Variants in EPB41L2 observed in about 807,000 individuals in gnomAD.
EPB41L2 encodes erythrocyte membrane protein band 4.1 like 2.
EPB41L2 carries 43 observed loss-of-function variants against 113.0 expected under a neutral mutation model. The ratio of observed to expected loss-of-function variants is 0.38; its 90% CI spans 0.30 to 0.49. EPB41L2 has a LOEUF of 0.49. EPB41L2 is among the 20% of genes least tolerant of loss of function. EPB41L2 has a pLI of 0.95. For synonymous variants in EPB41L2, 442 were observed against 436.7 expected (o/e 1.01, Z -0.15); for missense variants, 1,147 against 1,223.4 (o/e 0.94, Z 0.93).
At chr6:130,889,204 T>C (rs981572081) in intron 11 of EPB41L2, among the ~76,000 whole-genome samples, 3 of 151,762 alleles carry the variant, frequency 2.0e-5, no homozygotes, top group Admixed American at 2.0e-4. Flanking sequence ...CAACCAAAAA[T>C]GTTGGAAAAC....
chr6:130,872,470 G>A (rs1215931548), intron 14 of EPB41L2: 8 of 1,289,342 alleles, frequency 6.2e-6, no homozygotes, highest in East Asian at 5.6e-5. Flanking sequence ...CTGAAGTGAA[G>A]GTGGCTTTCA....
At chr6:131,052,081 C>T (rs537342540) in intron 1 of EPB41L2, among the ~76,000 whole-genome samples, 9 of 152,136 alleles carry the variant, frequency 5.9e-5, no homozygotes, top group East Asian at 1.9e-4. Flanking sequence ...GGACTACAGG[C>T]GCCCACCACC....
At chr6:131,005,229 A>G (rs1225387164) in intron 1 of EPB41L2, among the ~76,000 whole-genome samples, 1 of 151,938 alleles carries the variant, frequency 6.6e-6, no homozygotes, top group Non-Finnish European at 1.5e-5. Context: ...GTCAGTTTTC[A>G]ATTATCTACT....
chr6:130,983,958 G>A (rs1779950359), intron 1 of EPB41L2, among the ~76,000 whole-genome samples: 1 of 151,950 alleles, frequency 6.6e-6, no homozygotes, highest in African/African-American at 2.4e-5. Context: ...TTTTACTCTT[G>A]TAACACTTAG....
rs751594165 is a variant in EPB41L2, at chr6:130,885,174, G to A, written c.1755C>T (p.Ala585=). ...SAYGPGLVSI[A]VVQDGDGRRE... is the part of the protein sequence containing the mutation. ...TCCTGCCGTCCCCATCTTGTACCACGGCAATGCTGACAAGTCCAGGTCCAT... is the reference window on the plus strand; with the variant it reads ...TCCTGCCGTCCCCATCTTGTACCACAGCAATGCTGACAAGTCCAGGTCCAT... Residue 585 remains alanine, a synonymous_variant, in exon 12 of 20, where the codon GCC becomes GCT. Transcript: ENST00000337057. 15 of 1,613,942 alleles carry A rather than the reference G, an allele frequency of 9.3e-6. No homozygotes were observed. The highest frequency in any genetic ancestry group is 5.0e-5 in the Admixed American group (3 of 59,990).
At chr6:130,915,069 C>T (rs540989591) in intron 4 of EPB41L2, among the ~76,000 whole-genome samples, 2 of 151,626 alleles carry the variant, frequency 1.3e-5, no homozygotes, top group African/African-American at 2.4e-5. Context: ...TTTGGGAGGC[C>T]GAGGCGGGCG....
At chr6:130,911,789 C>T (rs1379061838) in intron 4 of EPB41L2, among the ~76,000 whole-genome samples, 1 of 152,060 alleles carries the variant, frequency 6.6e-6, no homozygotes, top group Non-Finnish European at 1.5e-5. Context: ...CTCAAGTTAT[C>T]ACTAACATAG....
At chr6:130,977,701 C>A (rs1319016966) in intron 1 of EPB41L2, among the ~76,000 whole-genome samples, 1 of 152,134 alleles carries the variant, frequency 6.6e-6, no homozygotes, top group Non-Finnish European at 1.5e-5. Flanking sequence ...CTCTTCTTAA[C>A]CTTAAGGAAC....
intron 3 of EPB41L2, among the ~76,000 whole-genome samples, chr6:130,929,852 G>GTCAC (rs1385194819): frequency 2.2e-5 from 2 of 91,962 alleles, no homozygotes; most frequent in African/African-American, 4.0e-5. Context: ...ATACAAGACA[G>GTCAC]ACAGTCACAC....
chr6:130,939,839 T>C (rs1465261759), intron 3 of EPB41L2, among the ~76,000 whole-genome samples: 1 of 152,214 alleles, frequency 6.6e-6, no homozygotes, highest in African/African-American at 2.4e-5. Flanking sequence ...GTCCACTTTA[T>C]TTTAGTATGT....
rs769262800 is a variant in EPB41L2 at position 130,956,349 on chromosome 6, C to T, written c.137G>A (p.Gly46Asp). The T allele has an allele frequency of 2.5e-6, 4 of 1,614,120 alleles. No individual in the cohort carries two copies. Among genetic ancestry groups the T allele is most frequent in the Non-Finnish European group, 3.4e-6 (4 of 1,180,026 alleles). Residue 46 changes from glycine to aspartate, a missense_variant, in exon 2 of 20, where the codon GGT becomes GAT. Coordinates refer to ENST00000337057, the MANE Select transcript of EPB41L2 (RefSeq NM_001431.4). ...NQSSDPEEEK[G>D]SQPPPAAESQ... The stretch of plus-strand genomic sequence containing the variant: ...TTCAGCTGCAGGAGGTGGCTGGGAA[C>T]CTTTTTCCTCCTCTGGATCGGAAGA...
At chr6:130,880,941 C>G (rs1193556887) in intron 12 of EPB41L2, 2 of 155,494 alleles carry the variant, frequency 1.3e-5, no homozygotes, top group African/African-American at 4.8e-5. Context: ...ATATGGATTT[C>G]TTTTCTGGCT....
intron 1 of EPB41L2, among the ~76,000 whole-genome samples, chr6:131,057,638 A>C (rs1584832109): frequency 1.3e-5 from 2 of 152,230 alleles, no homozygotes; most frequent in African/African-American, 4.8e-5. Context: ...AGGTGACTTC[A>C]GAGTTGGTAA....
chr6:131,042,503 C>T (rs1347046612), intron 1 of EPB41L2, among the ~76,000 whole-genome samples: 4 of 152,114 alleles, frequency 2.6e-5, no homozygotes, highest in Non-Finnish European at 5.9e-5. Context: ...TTTATTTATA[C>T]ATAGAAAAAT....
intron 1 of EPB41L2, among the ~76,000 whole-genome samples, chr6:130,969,217 CA>C (rs554442017): frequency 0.063 from 9,016 of 142,890 alleles, 357 homozygotes; most frequent in African/African-American, 0.12. Flanking sequence ...TTCCTTGTGA[CA>C]AAAAAAAAAA....
chr6:130,881,829 T>G (rs1476965690), intron 12 of EPB41L2: 1 of 152,122 alleles, frequency 6.6e-6, no homozygotes, highest in Non-Finnish European at 1.5e-5. Flanking sequence ...AACAGAATAG[T>G]ACCTTCCTTA....
chr6:131,059,852 T>C (rs1798327366), intron 1 of EPB41L2, among the ~76,000 whole-genome samples: 1 of 152,146 alleles, frequency 6.6e-6, no homozygotes, highest in South Asian at 2.1e-4. Context: ...AGTGGTTAGG[T>C]ACAGTAATTC....
intron 1 of EPB41L2, among the ~76,000 whole-genome samples, chr6:130,972,534 A>T (rs1777098768): frequency 6.6e-6 from 1 of 151,208 alleles, no homozygotes; most frequent in African/African-American, 2.4e-5. Flanking sequence ...ACATTTCCAC[A>T]ATTTAAATTC....
intron 1 of EPB41L2, among the ~76,000 whole-genome samples, chr6:131,040,694 T>C (rs1794292762): frequency 6.6e-6 from 1 of 152,176 alleles, no homozygotes; most frequent in African/African-American, 2.4e-5. Context: ...AGATCTGTCA[T>C]CACCTTACTC....
Sources: gnomAD v4.1 joint callset for allele counts (sites outside exome capture counted in the v4.1 genomes callset) on GRCh38, gnomAD v4.1.1 for gene constraint, MANE v1.5 for transcripts, NCBI Gene and HGNC (gene_info 2026-07-23, HGNC 2026-07-21) for gene names.